FREM1: variants seen among roughly 807,000 people sequenced by gnomAD.
FREM1 encodes FRAS1 related extracellular matrix 1.
Under a neutral mutation model 210.1 loss-of-function variants are expected in FREM1, and 220 were observed. The observed-to-expected ratio is 1.05, with a 90% CI of 0.94 to 1.17. FREM1 has a LOEUF of 1.17. FREM1 is among the 50% of genes most tolerant of loss of function. The pLI, the probability that FREM1 is intolerant of heterozygous loss-of-function variation, is 0.00. For synonymous variants in FREM1, 1,189 were observed against 980.2 expected (o/e 1.21, Z -3.98); for missense variants, 3,454 against 2,675.5 (o/e 1.29, Z -6.42).
chr9:14,830,230 G>A (rs1356244964), intron 10 of FREM1, among the ~76,000 whole-genome samples: 1 of 152,194 alleles, frequency 6.6e-6, no homozygotes, highest in Non-Finnish European at 1.5e-5. Flanking sequence ...CCAGCTGGTG[G>A]AGTATTATAT....
intron 23 of FREM1, among the ~76,000 whole-genome samples, chr9:14,785,296 G>C (rs10961705): frequency 0.2 from 30,652 of 152,212 alleles, 3,352 homozygotes; most frequent in East Asian, 0.33. Flanking sequence ...CACAGATGTA[G>C]TTTATTAACA....
intron 30 of FREM1, 35 bp from the exon 31 acceptor site, chr9:14,748,674 T>C: frequency 7.3e-7 from 1 of 1,361,104 alleles, no homozygotes; most frequent in Non-Finnish European, 1.0e-6. Context: ...GGTCAGTTCA[T>C]TTTACACAAA....
intron 5 of FREM1, 111 bp from the exon 6 acceptor site, chr9:14,851,718 A>G: frequency 1.1e-6 from 1 of 885,500 alleles, no homozygotes; most frequent in Non-Finnish European, 1.9e-6. Flanking sequence ...TCTAGCAGTG[A>G]CCTGAAGCCT....
rs1843605980 is a variant in FREM1, at chr9:14,752,690, G to A, written c.5408-2414C>T. 2.0e-5 allele frequency among the ~76,000 whole-genome samples: 3 copies of A among 152,128 alleles called. No individual in the cohort carries two copies. In the South Asian group the frequency reaches 6.2e-4, roughly 31 times the overall value. On this transcript the variant is annotated intron_variant, in intron 29 of 36. Coordinates refer to ENST00000380880, the MANE Select transcript of FREM1 (RefSeq NM_001379081.2). The stretch of plus-strand genomic sequence containing the variant: ...AGATAAGAGGTGGTCAATGAAGAAA[G>A]CATATGAATAATATGATTATTAGTA...
chr9:14,820,279 A>G (rs773307397), intron 13 of FREM1, among the ~76,000 whole-genome samples: 22 of 152,202 alleles, frequency 1.4e-4, no homozygotes, highest in Non-Finnish European at 2.8e-4. Context: ...TTAACCTATC[A>G]TTACCCCCAC....
At chr9:14,832,501 C>A (rs1823751353) in intron 10 of FREM1, among the ~76,000 whole-genome samples, 1 of 152,140 alleles carries the variant, frequency 6.6e-6, no homozygotes, top group Non-Finnish European at 1.5e-5. Context: ...ACACAATTCC[C>A]AATAGGAAGA....
intron 2 of FREM1, among the ~76,000 whole-genome samples, chr9:14,867,911 G>A (rs1361322831): frequency 6.6e-6 from 1 of 152,114 alleles, no homozygotes; most frequent in Non-Finnish European, 1.5e-5. Flanking sequence ...CAGTGTTAGA[G>A]AATATAGACT....
intron 10 of FREM1, among the ~76,000 whole-genome samples, chr9:14,837,003 G>C (rs993699249): frequency 6.6e-6 from 1 of 152,218 alleles, no homozygotes; most frequent in African/African-American, 2.4e-5. Context: ...CCAGCTCTTA[G>C]TCAGGTGGGC....
At chr9:14,751,510 A>C (rs921690113) in intron 29 of FREM1, among the ~76,000 whole-genome samples, 9 of 151,996 alleles carry the variant, frequency 5.9e-5, no homozygotes, top group Non-Finnish European at 7.4e-5. Flanking sequence ...AAAAACAAAA[A>C]TTAGGTGGGC....
chr9:14,909,578 A>T (rs1003952066), intron 1 of FREM1, among the ~76,000 whole-genome samples: 1 of 152,228 alleles, frequency 6.6e-6, no homozygotes, highest in African/African-American at 2.4e-5. Context: ...TTGCCATTTC[A>T]TTTAGCTGAG....
chr9:14,824,304 C>A (rs1821930761), intron 11 of FREM1, among the ~76,000 whole-genome samples, 189 bp from the exon 12 acceptor site: 1 of 152,174 alleles, frequency 6.6e-6, no homozygotes, highest in Admixed American at 6.5e-5. Context: ...CTTGTCATGA[C>A]TGCAAAAGGT....
At chr9:14,839,681 A>G (rs868300416) in intron 10 of FREM1, among the ~76,000 whole-genome samples, 2 of 152,240 alleles carry the variant, frequency 1.3e-5, no homozygotes, top group South Asian at 4.1e-4. Context: ...GAAATCTGAC[A>G]TCTATACTTG....
chr9:14,828,822 C>A (rs1245231348), intron 10 of FREM1, among the ~76,000 whole-genome samples: 1 of 152,154 alleles, frequency 6.6e-6, no homozygotes, highest in Non-Finnish European at 1.5e-5. Flanking sequence ...ACAAATGAGT[C>A]TCTCTCCCAG....
intron 13 of FREM1, among the ~76,000 whole-genome samples, chr9:14,822,127 G>A (rs1821467614): frequency 6.6e-6 from 1 of 152,162 alleles, no homozygotes; most frequent in African/African-American, 2.4e-5. Flanking sequence ...CATGTAAGAC[G>A]TGACTTTGCT....
In FREM1 at chr9:14,872,900, G is replaced by A. The variant is rs1006772671; in HGVS notation, c.-267-3656C>T. 2.7e-3 allele frequency among the ~76,000 whole-genome samples: 415 copies of A among 151,490 alleles called. 2 individuals carry two copies. The highest frequency in any genetic ancestry group is 0.01 in the Middle Eastern group (3 of 294). ...TGAAGGGCTGTTGAATTTTGTCAAAGGCCTTTTCTGCATCTATTGAGATAA... is the reference window on the plus strand; with the variant it reads ...TGAAGGGCTGTTGAATTTTGTCAAAAGCCTTTTCTGCATCTATTGAGATAA... On this transcript the variant is annotated intron_variant, in intron 1 of 36. Transcript: ENST00000380880.
rs1423465457 is a variant in FREM1, at chr9:14,788,951, T to C, written c.4145A>G (p.Asp1382Gly). Residue 1382 changes from aspartate (D) to glycine (G), a missense_variant, in exon 23 of 37, where the codon GAC becomes GGC. Physicochemically the swap from Asp to Gly is moderately conservative, Grantham distance 94 (BLOSUM62 -1). Coordinates refer to ENST00000380880, the MANE Select transcript of FREM1 (RefSeq NM_001379081.2). ...CATGTCCTTGATGGTGATTTGACAG[T>C]CAAGAGCAGGGGACCTGTTGTTGCC... The part of the protein sequence containing the change: ...WDGNNRSPAL[D>G]CQITIKDMEK... 1 of 1,613,084 alleles carries C rather than the reference T, an allele frequency of 6.2e-7. No individual in the cohort carries two copies. Among genetic ancestry groups the C allele is most frequent in the African/African-American group, 1.3e-5 (1 of 75,036 alleles).
chr9:14,781,953 C>T (rs942343830), intron 24 of FREM1, among the ~76,000 whole-genome samples: 2 of 152,242 alleles, frequency 1.3e-5, no homozygotes, highest in Non-Finnish European at 2.9e-5. Flanking sequence ...GATCCACCTG[C>T]CTCGTCCTCC....
intron 36 of FREM1, among the ~76,000 whole-genome samples, chr9:14,739,337 C>G (rs1841013682): frequency 1.3e-5 from 2 of 151,286 alleles, no homozygotes; most frequent in Admixed American, 6.6e-5. Flanking sequence ...ATCCTGGGCT[C>G]AAGCAATCCT....
chr9:14,775,794 T>G lies in FREM1; in HGVS notation c.4852A>C (p.Ile1618Leu). The change falls in exon 25 of 37, where the codon ATT becomes CTT. Residue 1618 changes from isoleucine (I) to leucine (L), a missense_variant. Physicochemically the swap from Ile to Leu is conservative, Grantham distance 5. Transcript: ENST00000380880. Reference protein sequence around the residue: ...RVWEEPVLFTIQVDQLDKTAP... With the variant: ...RVWEEPVLFTLQVDQLDKTAP... ...ACTGTGTTTTTCATACTTGCCTGAATGGTGAATAAAACAGGTTCTTCCCAC... is the reference window on the plus strand; with the variant it reads ...ACTGTGTTTTTCATACTTGCCTGAAGGGTGAATAAAACAGGTTCTTCCCAC... 1 of 1,607,208 alleles carries G rather than the reference T, an allele frequency of 6.2e-7. No individual in the cohort carries two copies. The highest frequency in any genetic ancestry group is 8.5e-7 in the Non-Finnish European group (1 of 1,174,904).
Sources: gnomAD v4.1 joint callset for allele counts (sites outside exome capture counted in the v4.1 genomes callset) on GRCh38, gnomAD v4.1.1 for gene constraint, MANE v1.5 for transcripts, NCBI Gene and HGNC (gene_info 2026-07-23, HGNC 2026-07-21) for gene names.